Variants in SIGLEC7 observed in about 807,000 individuals in gnomAD.
The protein encoded by SIGLEC7 is sialic acid binding Ig like lectin 7, also known as sialic acid-binding Ig-like lectin 7.
In SIGLEC7, 33 loss-of-function variants were observed where a neutral mutation model predicts 40.8. The ratio of observed to expected loss-of-function variants is 0.81; its 90% CI spans 0.61 to 1.08. The LOEUF is 1.08. Among genes scored for constraint, SIGLEC7 ranks in the 50% least tolerant of loss-of-function variants. The pLI, the probability that SIGLEC7 is intolerant of heterozygous loss-of-function variation, is 0.00. For missense variants in SIGLEC7, 513 were observed against 576.1 expected, an observed-to-expected ratio of 0.89 and a Z score of 1.12; for synonymous variants, 242 against 237.6, an observed-to-expected ratio of 1.02 and a Z score of -0.17.
rs748457892 is a variant in SIGLEC7 at position 51,142,687 on chromosome 19, C to T, written c.318C>T (p.Cys106=). ...TTGGGGACCCACAGACCAAAAATTG[C>T]ACCCTGAGCATCAGAGATGCCAGAA... ...HLLGDPQTKN[C]TLSIRDARMS... is the part of the protein sequence containing the mutation. Residue 106 remains cysteine, a synonymous_variant, in exon 1 of 7, where the codon TGC becomes TGT. Coordinates refer to ENST00000317643, the MANE Select transcript of SIGLEC7 (RefSeq NM_014385.4). The surrounding 1 kb of genome is among the most constrained non-coding windows in gnomAD (Gnocchi z 5.0). The T allele has an allele frequency of 6.2e-7, 1 of 1,614,164 alleles. No individual in the cohort carries two copies. The highest frequency in any genetic ancestry group is 8.5e-7 in the Non-Finnish European group (1 of 1,180,028).
intron 6 of SIGLEC7, among the ~76,000 whole-genome samples, chr19:51,152,163 T>C (rs1214936667): frequency 6.6e-6 from 1 of 152,172 alleles, no homozygotes; most frequent in Non-Finnish European, 1.5e-5. Flanking sequence ...CCTTTCTGGC[T>C]TCTAGAGGCA....
chr19:51,153,276 G>GT lies in SIGLEC7; in HGVS notation c.*33dup. 4 of 1,476,580 alleles carry GT rather than the reference G, an allele frequency of 2.7e-6. No individual in the cohort carries two copies. Among genetic ancestry groups the GT allele is most frequent in the Non-Finnish European group, 3.6e-6 (4 of 1,104,882 alleles). The allele number at this position is 1,476,580 out of a possible 1,614,324, so 91.5% of individuals were successfully genotyped here. A position where few individuals can be genotyped will look rare whatever the true frequency, so the allele number is the denominator to read the frequency against. ...TGCAGAGGCTCGGGCTTGTTTGAGG[G>GT]TTCACGACCCCTCCAGCAAAGGAGT... On this transcript the variant is annotated 3_prime_UTR_variant, in exon 7 of 7. Coordinates refer to ENST00000317643, the MANE Select transcript of SIGLEC7 (RefSeq NM_014385.4).
chr19:51,143,838 C>A, intron 1 of SIGLEC7: 1 of 415,972 alleles, frequency 2.4e-6, no homozygotes. Context: ...TCCCAGGCCC[C>A]ACTGTCAAGA....
intron 6 of SIGLEC7, among the ~76,000 whole-genome samples, chr19:51,149,553 T>C (rs1320035689): frequency 1.3e-5 from 2 of 152,236 alleles, no homozygotes; most frequent in East Asian, 1.9e-4. Flanking sequence ...TTGGTTACTG[T>C]AGACTTGTAA....
rs1224588397 is a variant in SIGLEC7 at position 51,152,714 on chromosome 19, AG to A, written c.1222-346del. Among the ~76,000 whole-genome samples, 18 of 152,292 alleles carry A rather than the reference AG, an allele frequency of 1.2e-4. No homozygotes were observed. The East Asian group carries it at 3.5e-3, about 29-fold the overall frequency. ...ACCCGGATCAGGGCTTCACACACAG[AG>A]GGCCCCAGCAGGACTCCAGGCTTTG... On this transcript the variant is annotated intron_variant, in intron 6 of 6. Coordinates refer to ENST00000317643, the MANE Select transcript of SIGLEC7 (RefSeq NM_014385.4).
chr19:51,144,955 C>T lies in SIGLEC7; in HGVS notation c.756C>T (p.Gly252=), dbSNP rs1349412387. The part of the protein sequence containing the change: ...NLTVTVFQGE[G]TASTALGNSS... ...CTGTGACTGTCTTCCAAGGAGAAGGCACAGGTAGGATGGAGCCCCCTCCCT... is the reference window on the plus strand; with the variant it reads ...CTGTGACTGTCTTCCAAGGAGAAGGTACAGGTAGGATGGAGCCCCCTCCCT... Residue 252 remains glycine (G), a synonymous_variant, in exon 3 of 7, where the codon GGC becomes GGT. Transcript: ENST00000317643. 19 of 1,613,934 alleles carry T rather than the reference C, an allele frequency of 1.2e-5. No individual in the cohort carries two copies. The highest frequency in any genetic ancestry group is 1.7e-5 in the Admixed American group (1 of 59,992).
intron 4 of SIGLEC7, among the ~76,000 whole-genome samples, chr19:51,146,324 G>C (rs2092108356): frequency 6.6e-6 from 1 of 152,186 alleles, no homozygotes; most frequent in Non-Finnish European, 1.5e-5. Flanking sequence ...AGTGGGTCTT[G>C]GAGGGGAGGA....
At position 51,144,433 on chromosome 19, in the gene SIGLEC7, T is replaced by G. The variant is rs1241278396; in HGVS notation, c.461T>G (p.Ile154Ser). ...TTGACCCACAGGCCCAACATCCTTA[T>G]CCCCGGTACCCTGGAGTCTGGCTGC... The part of the protein sequence containing the change: ...TALTHRPNIL[I>S]PGTLESGCFQ... The change falls in exon 2 of 7, where the codon ATC (isoleucine) becomes AGC (serine). Residue 154 changes from isoleucine to serine, a missense_variant. Coordinates refer to ENST00000317643, the MANE Select transcript of SIGLEC7 (RefSeq NM_014385.4). 6.2e-7 allele frequency: 1 copy of G among 1,612,010 alleles called. No individual in the cohort carries two copies. The highest frequency in any genetic ancestry group is 1.7e-4 in the Middle Eastern group (1 of 6,054).
Position 51,146,030 on chromosome 19 carries a change from G to A in SIGLEC7, c.936G>A (p.Leu312=). The part of the protein sequence containing the change: ...NPLVLELQVH[L]GDEGEFTCRA... Reference sequence around the variant, plus strand: ...TGGTACTGGAGCTGCAAGTGCACCTGGGGGATGAAGGGGAATTCACCTGTC... The same window carrying A: ...TGGTACTGGAGCTGCAAGTGCACCTAGGGGATGAAGGGGAATTCACCTGTC... The change falls in exon 4 of 7, where the codon CTG becomes CTA. Residue 312 remains leucine, a synonymous_variant. Coordinates refer to ENST00000317643, the MANE Select transcript of SIGLEC7 (RefSeq NM_014385.4). 2 of 1,614,226 alleles carry A rather than the reference G, an allele frequency of 1.2e-6. No homozygotes were observed. Among genetic ancestry groups the A allele is most frequent in the Non-Finnish European group, 1.7e-6 (2 of 1,180,042 alleles).
chr19:51,146,226 A>C, intron 4 of SIGLEC7, 105 bp downstream of exon 4: 1 of 1,445,846 alleles, frequency 6.9e-7, no homozygotes, highest in Non-Finnish European at 9.4e-7. Context: ...GTCTGTGCTC[A>C]GCTGTGAGGC....
Position 51,142,556 on chromosome 19 carries a change from G to C in SIGLEC7, c.187G>C (p.Gly63Arg), listed in dbSNP as rs748020541. 4.3e-6 allele frequency: 7 copies of C among 1,614,142 alleles called. No individual in the cohort carries two copies. In the East Asian group the frequency reaches 1.6e-4, roughly 36 times the overall value. The change falls in exon 1 of 7, where the codon GGC becomes CGC. Residue 63 changes from glycine to arginine, a missense_variant. By Grantham distance (125) the Gly-to-Arg change is moderately radical. Coordinates refer to ENST00000317643, the MANE Select transcript of SIGLEC7 (RefSeq NM_014385.4). The surrounding 1 kb of genome is among the most constrained non-coding windows in gnomAD (Gnocchi z 5.0). ...DSQTDSDPVH[G>R]YWFRAGNDIS... ...CCAGACTGACTCTGACCCAGTTCATGGCTACTGGTTCCGGGCAGGGAATGA... is the reference window on the plus strand; with the variant it reads ...CCAGACTGACTCTGACCCAGTTCATCGCTACTGGTTCCGGGCAGGGAATGA...
At position 51,145,631 on chromosome 19, in the gene SIGLEC7, A is replaced by G. The variant is rs114477172; in HGVS notation, c.761-224A>G. Among the ~76,000 whole-genome samples, 776 of 152,382 alleles carry G rather than the reference A, an allele frequency of 5.1e-3. 6 individuals carry two copies. Among genetic ancestry groups the G allele is most frequent in the African/African-American group, 0.016 (667 of 41,584 alleles). On this transcript the variant is annotated intron_variant, in intron 3 of 6. Transcript: ENST00000317643. The surrounding 1 kb of genome is among the most constrained non-coding windows in gnomAD (Gnocchi z 4.3). Reference sequence around the variant, plus strand: ...GTGTATAGGATAAATTCCTAAAAGCACATTTTACCAGTGTCATATGTTCTT... The same window carrying G: ...GTGTATAGGATAAATTCCTAAAAGCGCATTTTACCAGTGTCATATGTTCTT...
At chr19:51,143,925 C>T (rs572893897) in intron 1 of SIGLEC7, 2 of 464,166 alleles carry the variant, frequency 4.3e-6, no homozygotes, top group Admixed American at 5.0e-5. Context: ...GTCCTTTAAC[C>T]CTATTACAAC....
At chr19:51,152,693 G>A (rs273660) in intron 6 of SIGLEC7, among the ~76,000 whole-genome samples, 125,323 of 152,162 alleles carry the variant, frequency 0.82, 53,188 homozygotes, top group Non-Finnish European at 0.94. Flanking sequence ...TCCAGCACCC[G>A]GATCAGGGCT....
At position 51,147,258 on chromosome 19, in the gene SIGLEC7, G is replaced by T; in HGVS notation, c.1162G>T (p.Ala388Ser). 1 of 1,612,818 alleles carries T rather than the reference G, an allele frequency of 6.2e-7. No homozygotes were observed. Among genetic ancestry groups the T allele is most frequent in the Admixed American group, 1.7e-5 (1 of 59,988 alleles). The change falls in exon 6 of 7, where the codon GCG becomes TCG. Residue 388 changes from alanine to serine, a missense_variant. Coordinates refer to ENST00000317643, the MANE Select transcript of SIGLEC7 (RefSeq NM_014385.4). ...SCRKKSARPA[A>S]DVGDIGMKDA... is the part of the protein sequence containing the mutation. Reference sequence around the variant, plus strand: ...CAGGAAGAAATCGGCAAGGCCAGCAGCGGACGTGGGAGACATAGGCATGAA... The same window carrying T: ...CAGGAAGAAATCGGCAAGGCCAGCATCGGACGTGGGAGACATAGGCATGAA...
At chr19:51,151,806 C>T (rs2092145380) in intron 6 of SIGLEC7, among the ~76,000 whole-genome samples, 1 of 152,168 alleles carries the variant, frequency 6.6e-6, no homozygotes, top group Admixed American at 6.5e-5. Flanking sequence ...AGTGCTTAGA[C>T]TTGGTATGTG....
chr19:51,153,175 G>C lies in SIGLEC7; in HGVS notation c.1334G>C (p.Gly445Ala). ...IQYAPLSFHKGEPQDLSGQEA... is the reference protein window; with the variant it reads ...IQYAPLSFHKAEPQDLSGQEA... ...TATGCACCCCTCAGCTTTCATAAGG[G>C]GGAGCCTCAGGACCTATCAGGACAA... is the stretch of plus-strand genomic sequence containing the variant. The change falls in exon 7 of 7, where the codon GGG becomes GCG. Residue 445 changes from glycine to alanine, a missense_variant. By Grantham distance (60) the Gly-to-Ala change is moderately conservative. Coordinates refer to ENST00000317643, the MANE Select transcript of SIGLEC7 (RefSeq NM_014385.4). The C allele has an allele frequency of 1.9e-6, 3 of 1,609,304 alleles. No individual in the cohort carries two copies. The highest frequency in any genetic ancestry group is 1.7e-4 in the Middle Eastern group (1 of 6,050).
chr19:51,147,827 G>A (rs2122905661), intron 6 of SIGLEC7, among the ~76,000 whole-genome samples: 1 of 152,282 alleles, frequency 6.6e-6, no homozygotes, highest in South Asian at 2.1e-4. Flanking sequence ...ATCTGGAAAG[G>A]CCAGATAGGA....
intron 6 of SIGLEC7, among the ~76,000 whole-genome samples, chr19:51,149,462 T>A (rs961322419): frequency 2.0e-5 from 3 of 152,206 alleles, no homozygotes; most frequent in African/African-American, 7.2e-5. Flanking sequence ...CAAATTGTTG[T>A]AGGTGTGTGG....
Sources: allele counts gnomAD v4.1 joint callset (sites outside exome capture counted in the v4.1 genomes callset), GRCh38; gene constraint gnomAD v4.1.1; non-coding constraint Gnocchi (gnomAD v3.1); transcripts MANE v1.5; gene names NCBI Gene and HGNC (gene_info 2026-07-23, HGNC 2026-07-21).